The following NRG3 variants were observed in gnomAD, a reference collection of about 807,000 sequenced individuals.
The protein encoded by NRG3 is neuregulin 3.
NRG3 carries 31 observed loss-of-function variants against 66.9 expected under a neutral mutation model. The observed-to-expected ratio is 0.46, with a 90% CI of 0.35 to 0.63. NRG3 has a LOEUF of 0.63. Among genes scored for constraint, NRG3 ranks in the 20% least tolerant of loss-of-function variants. The pLI is 0.00. For missense variants in NRG3, 910 were observed against 878.9 expected (o/e 1.04, Z -0.45); for synonymous variants, 393 against 359.4 (o/e 1.09, Z -1.06).
In NRG3 at chr10:82,075,544, C is replaced by T. The variant is rs539377431; in HGVS notation, c.823+199381C>T. 2.0e-5 allele frequency among the ~76,000 whole-genome samples: 3 copies of T among 152,184 alleles called. No homozygotes were observed. The East Asian group carries it at 5.8e-4, about 29-fold the overall frequency. ...GGTTGATTTTTCAGGTGTGCTTCAT[C>T]ATGTAATATGAAAAAACAGAAAGTA... On this transcript the variant is annotated intron_variant, in intron 1 of 8. Transcript: ENST00000372141.
At chr10:82,142,739 G>A (rs1189473494) in intron 1 of NRG3, among the ~76,000 whole-genome samples, 5 of 149,146 alleles carry the variant, frequency 3.4e-5, no homozygotes, top group Non-Finnish European at 7.4e-5. Context: ...GCAATAAGAT[G>A]TGAGAGTCCT....
chr10:82,351,857 G>A (rs1220615970), intron 1 of NRG3, among the ~76,000 whole-genome samples: 1 of 152,198 alleles, frequency 6.6e-6, no homozygotes, highest in Non-Finnish European at 1.5e-5. Flanking sequence ...TGAGGTAAGT[G>A]TCTGCTACTT....
intron 1 of NRG3, among the ~76,000 whole-genome samples, chr10:82,301,074 A>G (rs1462720876): frequency 6.6e-6 from 1 of 152,218 alleles, no homozygotes; most frequent in Non-Finnish European, 1.5e-5. Context: ...CTCTTGCAGC[A>G]AGTAATTTGG....
At chr10:82,966,733 AT>A (rs1397768292) in intron 6 of NRG3, among the ~76,000 whole-genome samples, 1 of 152,060 alleles carries the variant, frequency 6.6e-6, no homozygotes, top group East Asian at 1.9e-4. Flanking sequence ...CCATTTACTT[AT>A]TTATTCCATC....
At chr10:82,071,128 A>G (rs1406123281) in intron 1 of NRG3, among the ~76,000 whole-genome samples, 1 of 152,162 alleles carries the variant, frequency 6.6e-6, no homozygotes, top group East Asian at 1.9e-4. Context: ...AATTTTTATC[A>G]TTCATTGATT....
At chr10:82,735,144 T>C (rs1026268920) in intron 2 of NRG3, among the ~76,000 whole-genome samples, 1 of 152,228 alleles carries the variant, frequency 6.6e-6, no homozygotes, top group African/African-American at 2.4e-5. Context: ...AGTTGGAGAC[T>C]TTTTTAAAAA....
chr10:82,723,394 T>C lies in NRG3; in HGVS notation c.954-15183T>C, dbSNP rs571354769. Among the ~76,000 whole-genome samples the C allele has an allele frequency of 2.0e-5, 3 of 152,252 alleles. No individual in the cohort carries two copies. In the East Asian group the frequency reaches 5.8e-4, roughly 29 times the overall value. ...CTTCGTACCTGGGTAATGGGGTCGA[T>C]TGAACCCCAGAATCTCAGCATCATG... On this transcript the variant is annotated intron_variant, in intron 2 of 8. Coordinates refer to ENST00000372141, the MANE Select transcript of NRG3 (RefSeq NM_001010848.4).
At chr10:82,756,608 T>C (rs752833453) in intron 3 of NRG3, among the ~76,000 whole-genome samples, 2 of 152,100 alleles carry the variant, frequency 1.3e-5, no homozygotes, top group African/African-American at 2.4e-5. Flanking sequence ...GAAAGAAATA[T>C]ATGGATCCTG....
At chr10:82,808,980 TG>T (rs1173269320) in intron 3 of NRG3, among the ~76,000 whole-genome samples, 1 of 152,142 alleles carries the variant, frequency 6.6e-6, no homozygotes, top group African/African-American at 2.4e-5. Context: ...GGCAGATCAA[TG>T]GGTTTAGTAC....
intron 1 of NRG3, among the ~76,000 whole-genome samples, chr10:82,169,102 A>G (rs1199982070): frequency 7.2e-5 from 11 of 152,100 alleles, no homozygotes; most frequent in Admixed American, 7.2e-4. Flanking sequence ...ATCTGCAAAC[A>G]TCTTTCCATA....
rs191303379 is a variant in NRG3, at chr10:82,978,555, C to T, written c.1413-395C>T. Among the ~76,000 whole-genome samples the T allele has an allele frequency of 8.8e-4, 134 of 152,258 alleles. 1 individual carries two copies. The highest frequency in any genetic ancestry group is 2.9e-3 in the African/African-American group (122 of 41,550). On this transcript the variant is annotated intron_variant, in intron 7 of 8. Transcript: ENST00000372141. ...GCTTACTGTGTTCAGTTTTTGTCAG[C>T]GTCTCATAAGAAGGCTATTTTTATT... is the stretch of plus-strand genomic sequence containing the variant.
intron 2 of NRG3, among the ~76,000 whole-genome samples, chr10:82,593,365 A>G (rs1464925617): frequency 6.6e-6 from 1 of 152,212 alleles, no homozygotes; most frequent in African/African-American, 2.4e-5. Flanking sequence ...AACAAATATT[A>G]TTTGTAACAT....
chr10:82,378,278 C>T (rs1243716462), intron 2 of NRG3, among the ~76,000 whole-genome samples: 8 of 152,174 alleles, frequency 5.3e-5, no homozygotes, highest in Non-Finnish European at 7.3e-5. Flanking sequence ...CAGTGAAATA[C>T]GTCTGTGGGA....
intron 2 of NRG3, among the ~76,000 whole-genome samples, chr10:82,651,461 TG>T (rs2051407393): frequency 6.6e-6 from 1 of 152,236 alleles, no homozygotes; most frequent in Non-Finnish European, 1.5e-5. Context: ...AGCTGTTCTT[TG>T]CTCTCTCAGG....
At chr10:82,099,736 T>A (rs1258838700) in intron 1 of NRG3, among the ~76,000 whole-genome samples, 1 of 152,058 alleles carries the variant, frequency 6.6e-6, no homozygotes, top group African/African-American at 2.4e-5. Context: ...TTTGGGAGAC[T>A]GAAGAGGGAG....
rs34319022 is a variant in NRG3 at position 82,535,902 on chromosome 10, C to CTTTT, written c.953+177048_953+177051dup. On this transcript the variant is annotated intron_variant, in intron 2 of 8. Coordinates refer to ENST00000372141, the MANE Select transcript of NRG3 (RefSeq NM_001010848.4). Reference sequence around the variant, plus strand: ...AAATGCAAATATTTTTTAAAGTAGTCTTTTTTTTTTTTTTTTTGACTGGCA... The same window carrying CTTTT: ...AAATGCAAATATTTTTTAAAGTAGTCTTTTTTTTTTTTTTTTTTTTTGACTGGCA... 4.3e-3 allele frequency among the ~76,000 whole-genome samples: 573 copies of CTTTT among 133,008 alleles called. 10 individuals carry two copies. Among genetic ancestry groups the CTTTT allele is most frequent in the African/African-American group, 0.015 (543 of 36,820 alleles). 87.3% of individuals were successfully genotyped at this position (133,008 alleles called of 152,430 possible). A position where few individuals can be genotyped will look rare whatever the true frequency, so the allele number is the denominator to read the frequency against.
chr10:82,232,995 G>C (rs1049463577), intron 1 of NRG3: 7 of 589,812 alleles, frequency 1.2e-5, no homozygotes, highest in Non-Finnish European at 1.9e-5. Flanking sequence ...TTGTTTCCAG[G>C]GTATGTGGGC....
chr10:81,878,039 C>G (rs1841840264), intron 1 of NRG3: 3 of 1,537,270 alleles, frequency 2.0e-6, no homozygotes, highest in Admixed American at 3.9e-5. Context: ...ATTTCATGTT[C>G]TTTCTCAATT....
chr10:82,410,334 TAATG>T (rs1215656736), intron 2 of NRG3, among the ~76,000 whole-genome samples: 1 of 151,770 alleles, frequency 6.6e-6, no homozygotes, highest in African/African-American at 2.4e-5. Flanking sequence ...AAGGCATTGA[TAATG>T]AAGACCTCAA....
Sources: allele counts gnomAD v4.1 joint callset (sites outside exome capture counted in the v4.1 genomes callset), GRCh38; gene constraint gnomAD v4.1.1; transcripts MANE v1.5; gene names NCBI Gene and HGNC (gene_info 2026-07-23, HGNC 2026-07-21).